Variants in EML4 observed in about 807,000 individuals in gnomAD.
EML4 encodes EMAP like 4, also known as echinoderm microtubule-associated protein-like 4.
EML4 carries 72 observed loss-of-function variants against 129.0 expected under a neutral mutation model. The observed-to-expected ratio is 0.56, with a 90% CI of 0.46 to 0.68. The LOEUF (loss-of-function observed/expected upper bound fraction) is 0.68. Among genes scored for constraint, EML4 ranks in the 30% least tolerant of loss-of-function variants. The pLI, the probability that EML4 is intolerant of heterozygous loss-of-function variation, is 0.00. For synonymous variants in EML4, 532 were observed against 405.0 expected, an observed-to-expected ratio of 1.31 and a Z score of -3.77; for missense variants, 1,363 against 1,190.6, an observed-to-expected ratio of 1.14 and a Z score of -2.13.
At chr2:42,232,619 A>T (rs773042682) in intron 1 of EML4, among the ~76,000 whole-genome samples, 2 of 152,240 alleles carry the variant, frequency 1.3e-5, no homozygotes, top group Non-Finnish European at 2.9e-5. Context: ...ACTTTGATGA[A>T]TCTGTACCAG....
chr2:42,200,425 G>T (rs538346058), intron 1 of EML4, among the ~76,000 whole-genome samples: 1 of 152,348 alleles, frequency 6.6e-6, no homozygotes, highest in Non-Finnish European at 1.5e-5. Flanking sequence ...AAGCTGTAGA[G>T]AGCAGTCTTT....
chr2:42,246,299 A>G (rs1675397711), intron 2 of EML4, among the ~76,000 whole-genome samples: 1 of 152,172 alleles, frequency 6.6e-6, no homozygotes, highest in East Asian at 1.9e-4. Context: ...CCAAGAAAGA[A>G]TTTATTATTC....
chr2:42,315,456 G>C (rs1266873907), intron 17 of EML4, among the ~76,000 whole-genome samples: 1 of 152,160 alleles, frequency 6.6e-6, no homozygotes, highest in Admixed American at 6.5e-5. Flanking sequence ...ATGAGAATAT[G>C]TCTAGGCCCA....
chr2:42,275,017 G>A (rs562204660), intron 6 of EML4, among the ~76,000 whole-genome samples: 1 of 152,296 alleles, frequency 6.6e-6, no homozygotes, highest in African/African-American at 2.4e-5. Flanking sequence ...TTAAAAGGAA[G>A]CTGTATTGTC....
intron 5 of EML4, 23 bp downstream of exon 5, chr2:42,263,329 T>G (rs1197756813): frequency 1.3e-6 from 2 of 1,597,128 alleles, no homozygotes; most frequent in Non-Finnish European, 1.7e-6. Flanking sequence ...CTTTCTTCAT[T>G]ATATCTGAAA....
At chr2:42,217,472 G>C (rs924371428) in intron 1 of EML4, among the ~76,000 whole-genome samples, 2 of 152,170 alleles carry the variant, frequency 1.3e-5, no homozygotes, top group African/African-American at 4.8e-5. Flanking sequence ...TGTGGAAACA[G>C]ATGGTTACTG....
intron 1 of EML4, 130 bp from the exon 2 acceptor site, chr2:42,245,375 C>T (rs960532015): frequency 7.5e-6 from 6 of 797,262 alleles, no homozygotes; most frequent in Non-Finnish European, 1.2e-5. Context: ...GAAGTACAGG[C>T]ACGAGCCACT....
chr2:42,180,153 A>T (rs1670848705), intron 1 of EML4, among the ~76,000 whole-genome samples: 1 of 152,074 alleles, frequency 6.6e-6, no homozygotes, highest in Non-Finnish European at 1.5e-5. Context: ...GTATGGCATT[A>T]AAAAAAATTG....
chr2:42,211,591 G>GA, intron 1 of EML4, among the ~76,000 whole-genome samples: 1 of 152,164 alleles, frequency 6.6e-6, no homozygotes, highest in East Asian at 1.9e-4. Context: ...GAAAGGACTT[G>GA]GATGTTTTAA....
intron 1 of EML4, among the ~76,000 whole-genome samples, chr2:42,236,682 G>A (rs1207286386): frequency 6.6e-6 from 1 of 152,144 alleles, no homozygotes; most frequent in East Asian, 1.9e-4. Context: ...CAGTGGAATT[G>A]CTGGGTCATA....
At chr2:42,184,468 C>G (rs1175995166) in intron 1 of EML4, among the ~76,000 whole-genome samples, 1 of 146,768 alleles carries the variant, frequency 6.8e-6, no homozygotes, top group Non-Finnish European at 1.5e-5. Context: ...TCTCAAGTTT[C>G]TATGAGATAA....
chr2:42,321,982 CTTCTCTAAG>C (rs1669548495), intron 19 of EML4, among the ~76,000 whole-genome samples: 2 of 152,134 alleles, frequency 1.3e-5, no homozygotes, highest in Admixed American at 1.3e-4. Flanking sequence ...TTTCTACAAA[CTTCTCTAAG>C]TTTGATATGA....
intron 16 of EML4, among the ~76,000 whole-genome samples, 169 bp from the exon 17 acceptor site, chr2:42,304,315 G>A (rs1316028615): frequency 6.6e-6 from 1 of 152,122 alleles, no homozygotes; most frequent in East Asian, 1.9e-4. Flanking sequence ...TCCCCTTCAT[G>A]CTCTGAAATT....
At chr2:42,298,542 CTT>C (rs1202109655) in intron 13 of EML4, among the ~76,000 whole-genome samples, 1 of 152,000 alleles carries the variant, frequency 6.6e-6, no homozygotes, top group Admixed American at 6.6e-5. Context: ...ATAAAGGAAA[CTT>C]TGATAATTTG....
chr2:42,245,547 G>A lies in EML4; in HGVS notation c.68G>A (p.Arg23His), dbSNP rs766903038. Residue 23 changes from arginine (R) to histidine (H), a missense_variant, in exon 2 of 23, where the codon CGC (arginine) becomes CAC (histidine). Physicochemically the swap from Arg to His is conservative, Grantham distance 29. Coordinates refer to ENST00000318522, the MANE Select transcript of EML4 (RefSeq NM_019063.5). ...GCAAGTACTTCTGATGTTCAAGATC[G>A]CCTGTCAGCTCTTGAGTCACGAGTT... is the stretch of plus-strand genomic sequence containing the variant. ...SAASTSDVQD[R>H]LSALESRVQQ... 23 of 1,613,346 alleles carry A rather than the reference G, an allele frequency of 1.4e-5. No individual in the cohort carries two copies. The highest frequency in any genetic ancestry group is 4.5e-5 in the East Asian group (2 of 44,848).
chr2:42,288,281 G>A lies in EML4; in HGVS notation c.1177G>A (p.Val393Ile). The change falls in exon 11 of 23, where the codon GTA becomes ATA. Residue 393 changes from valine (V) to isoleucine (I), a missense_variant. Physicochemically the swap from Val to Ile is conservative, Grantham distance 29. Transcript: ENST00000318522. ...IDDSNEHMLT[V>I]WDWQKKAKGA... ...TGACTCCAATGAGCATATGCTTACT[G>A]TATGGGACTGGCAGAAGAAAGCAAA... 1.3e-6 allele frequency: 2 copies of A among 1,576,584 alleles called. No individual in the cohort carries two copies. The highest frequency in any genetic ancestry group is 1.3e-5 in the African/African-American group (1 of 74,292).
chr2:42,247,637 AGT>A (rs1675497820), intron 2 of EML4, among the ~76,000 whole-genome samples: 1 of 152,198 alleles, frequency 6.6e-6, no homozygotes, highest in Non-Finnish European at 1.5e-5. Flanking sequence ...TGACTAATAA[AGT>A]GTTATATTAT....
intron 1 of EML4, among the ~76,000 whole-genome samples, chr2:42,244,391 C>G (rs1219980934): frequency 6.6e-6 from 1 of 152,180 alleles, no homozygotes; most frequent in Non-Finnish European, 1.5e-5. Context: ...GCCACCGCGC[C>G]CAGCCAGCAA....
rs117801233 is a variant in EML4, at chr2:42,332,304, C to G, written c.*2097C>G. On this transcript the variant is annotated 3_prime_UTR_variant, in exon 23 of 23. Transcript: ENST00000318522. ...GTAGTTTCAAAAGACACTACTAATA[C>G]GCAGGAAGCGTTCCAGCTATTTAAT... 4.7e-6 allele frequency: 1 copy of G among 212,054 alleles called. No individual in the cohort carries two copies. Among genetic ancestry groups the G allele is most frequent in the African/African-American group, 2.3e-5 (1 of 44,030 alleles). The allele number at this position is 212,054 out of a possible 1,614,324, so 13.1% of individuals were successfully genotyped here.
Sources: allele counts gnomAD v4.1 joint callset (sites outside exome capture counted in the v4.1 genomes callset), GRCh38; gene constraint gnomAD v4.1.1; transcripts MANE v1.5; gene names NCBI Gene and HGNC (gene_info 2026-07-23, HGNC 2026-07-21).